PNKD: variants seen among roughly 807,000 people sequenced by gnomAD.
PNKD encodes the protein probable thioesterase PNKD.
PNKD carries 36 observed loss-of-function variants against 45.3 expected under a neutral mutation model. The observed-to-expected ratio is 0.80, with a 90% CI of 0.61 to 1.05. PNKD has a LOEUF of 1.05. PNKD is among the 50% of genes least tolerant of loss of function. The probability of loss-of-function intolerance (pLI) is 0.00; values close to 1 mark genes in which losing one functional copy is unlikely to be tolerated. For missense variants in PNKD, 511 were observed against 506.6 expected (o/e 1.01, Z -0.08); for synonymous variants, 197 against 210.1 (o/e 0.94, Z 0.54).
At chr2:218,290,939 C>A (rs1297027956) in intron 2 of PNKD, among the ~76,000 whole-genome samples, 1 of 152,330 alleles carries the variant, frequency 6.6e-6, no homozygotes, top group Admixed American at 6.5e-5. Flanking sequence ...TGAGCTTCCA[C>A]TCTCTGGTCG....
chr2:218,335,334 A>G (rs1169733069), intron 2 of PNKD, among the ~76,000 whole-genome samples: 2 of 152,074 alleles, frequency 1.3e-5, no homozygotes, highest in African/African-American at 4.8e-5. Flanking sequence ...ATACAAAATT[A>G]GACGGGCGTG....
intron 2 of PNKD, chr2:218,279,555 C>G: frequency 1.9e-6 from 1 of 537,288 alleles, no homozygotes; most frequent in East Asian, 3.1e-5. Flanking sequence ...TGCCATCTCC[C>G]CTCCTGTCCA....
chr2:218,338,259 G>C (rs1198790111), intron 2 of PNKD, among the ~76,000 whole-genome samples: 1 of 151,832 alleles, frequency 6.6e-6, no homozygotes, highest in African/African-American at 2.4e-5. Flanking sequence ...TCAGGAGTTT[G>C]AGACCAGCCT....
At chr2:218,336,230 T>A (rs1349779006) in intron 2 of PNKD, among the ~76,000 whole-genome samples, 6 of 71,828 alleles carry the variant, frequency 8.4e-5, no homozygotes, top group African/African-American at 1.6e-4. Flanking sequence ...AAAAAAAAAG[T>A]TTGGAAAAAA....
chr2:218,300,490 TA>T lies in PNKD; in HGVS notation c.236+28945del, dbSNP rs564122490. 1.1e-4 allele frequency among the ~76,000 whole-genome samples: 17 copies of T among 152,336 alleles called. No homozygotes were observed. In the South Asian group the frequency reaches 3.5e-3, roughly 32 times the overall value. ...CAAATAGATCGCTTGGGGTTCATGT[TA>T]AAATGCAGATTCTGCTTCAGTAGGT... On this transcript the variant is annotated intron_variant, in intron 2 of 9. Coordinates refer to ENST00000273077, the MANE Select transcript of PNKD (RefSeq NM_015488.5).
intron 2 of PNKD, among the ~76,000 whole-genome samples, chr2:218,314,222 C>CTTTTTTTT (rs386392656): frequency 0.026 from 1,732 of 67,706 alleles, 420 homozygotes; most frequent in African/African-American, 0.11. Flanking sequence ...CGCGCCCTGG[C>CTTTTTTTT]TTTTTTTTTT....
intron 2 of PNKD, among the ~76,000 whole-genome samples, chr2:218,299,493 G>A (rs1403134266): frequency 1.3e-5 from 2 of 152,092 alleles, no homozygotes; most frequent in Non-Finnish European, 2.9e-5. Context: ...CACCCAGGCT[G>A]GAGTGCAGCG....
intron 2 of PNKD, among the ~76,000 whole-genome samples, chr2:218,285,051 C>G (rs1294669560): frequency 2.0e-5 from 3 of 152,216 alleles, no homozygotes; most frequent in African/African-American, 7.2e-5. Context: ...AATCGTGCCA[C>G]TGCACTCCAG....
At chr2:218,323,371 C>T (rs565193281) in intron 2 of PNKD, 17 of 1,579,890 alleles carry the variant, frequency 1.1e-5, no homozygotes, top group African/African-American at 2.7e-5. Flanking sequence ...GGCTGCCGAG[C>T]GCGGCGGGGC....
Position 218,307,256 on chromosome 2 carries a change from G to C in PNKD, c.237-32527G>C, listed in dbSNP as rs188841315. Among the ~76,000 whole-genome samples, 335 of 152,006 alleles carry C rather than the reference G, an allele frequency of 2.2e-3. 3 individuals carry two copies. Among genetic ancestry groups the C allele is most frequent in the African/African-American group, 7.5e-3 (311 of 41,508 alleles). ...TGGGGGAGGCAATGGGGTTAGGGGG[G>C]TTCGGGATGATTCAAGCGCATTACA... On this transcript the variant is annotated intron_variant, in intron 2 of 9. Coordinates refer to ENST00000273077, the MANE Select transcript of PNKD (RefSeq NM_015488.5).
At chr2:218,315,032 CTTTCTTTTTCTTTCTTTCTTTCTTT>C (rs1693745870) in intron 2 of PNKD, among the ~76,000 whole-genome samples, 2 of 2,026 alleles carry the variant, frequency 9.9e-4, no homozygotes, top group South Asian at 0.05. Flanking sequence ...TTCTTTCTTT[CTTTCTTTTTCTTTCTTTCTTTCTTT>C]CTTCCTTCCT....
intron 2 of PNKD, chr2:218,272,545 C>T: frequency 6.2e-7 from 1 of 1,612,772 alleles, no homozygotes; most frequent in Non-Finnish European, 8.5e-7. Context: ...CTCCCCAAAC[C>T]CCGTGCACAT....
chr2:218,295,547 G>A (rs921963959), intron 2 of PNKD, among the ~76,000 whole-genome samples: 5 of 152,084 alleles, frequency 3.3e-5, no homozygotes, highest in Non-Finnish European at 5.9e-5. Flanking sequence ...CTATTCGGAG[G>A]AGGGGAGAAG....
At chr2:218,276,150 C>T in intron 2 of PNKD, 1 of 1,540,570 alleles carries the variant, frequency 6.5e-7, no homozygotes, top group Non-Finnish European at 8.9e-7. Context: ...CCCCAGCTTC[C>T]CCCGGGATAG....
chr2:218,293,929 A>T (rs1272876577), intron 2 of PNKD, among the ~76,000 whole-genome samples: 44 of 20,910 alleles, frequency 2.1e-3, no homozygotes, highest in African/African-American at 8.3e-3. Flanking sequence ...CAGAGATTTA[A>T]AAAAAAAAAA....
intron 2 of PNKD, among the ~76,000 whole-genome samples, chr2:218,311,924 C>T (rs746194036): frequency 6.6e-6 from 1 of 152,254 alleles, no homozygotes; most frequent in Non-Finnish European, 1.5e-5. Flanking sequence ...AGGTCGGTCC[C>T]TGCGGCTTTC....
chr2:218,341,535 G>C lies in PNKD; in HGVS notation c.526G>C (p.Asp176His). The C allele has an allele frequency of 6.3e-7, 1 of 1,594,600 alleles. No individual in the cohort carries two copies. The change falls in exon 6 of 10, where the codon GAC becomes CAC. Residue 176 changes from aspartate (D) to histidine (H), a missense_variant and splice_region_variant. Transcript: ENST00000273077. ...VAILCTHKHW[D>H]HSGGNRDLSR... ...CTGCCTGTCTCTGCTGTCCTGCAGGGACCACAGTGGAGGGAACCGTGACCT... is the reference window on the plus strand; with the variant it reads ...CTGCCTGTCTCTGCTGTCCTGCAGGCACCACAGTGGAGGGAACCGTGACCT...
Position 218,341,530 on chromosome 2 carries a change from G to A in PNKD, c.525-4G>A. On this transcript the variant is annotated splice_region_variant and splice_polypyrimidine_tract_variant and intron_variant, in intron 5 of 9. Transcript: ENST00000273077. ...GCCCCCTGCCTGTCTCTGCTGTCCT[G>A]CAGGGACCACAGTGGAGGGAACCGT... The A allele has an allele frequency of 1.3e-6, 2 of 1,588,700 alleles. No individual in the cohort carries two copies.
chr2:218,323,698 T>C (rs919810580), intron 2 of PNKD, among the ~76,000 whole-genome samples: 5 of 151,594 alleles, frequency 3.3e-5, no homozygotes, highest in African/African-American at 1.2e-4. Flanking sequence ...TGAGAGGACA[T>C]CTGGAGCAAA....
Sources: gnomAD v4.1 joint callset for allele counts (sites outside exome capture counted in the v4.1 genomes callset) on GRCh38, gnomAD v4.1.1 for gene constraint, MANE v1.5 for transcripts, NCBI Gene and HGNC (gene_info 2026-07-23, HGNC 2026-07-21) for gene names.